Variants in TMEM117 observed in about 807,000 individuals in gnomAD.
TMEM117 encodes the protein transmembrane protein 117.
In TMEM117, 27 loss-of-function variants were observed where a neutral mutation model predicts 52.4. That is an observed-to-expected ratio of 0.51 (90% CI 0.38 to 0.71). The LOEUF is 0.71. Among genes scored for constraint, TMEM117 ranks in the 30% least tolerant of loss-of-function variants. The pLI is 0.00. For missense variants in TMEM117, 556 were observed against 630.5 expected, an observed-to-expected ratio of 0.88 and a Z score of 1.26; for synonymous variants, 215 against 206.3, an observed-to-expected ratio of 1.04 and a Z score of -0.36.
At chr12:44,182,055 G>A (rs1430920441) in intron 4 of TMEM117, among the ~76,000 whole-genome samples, 1 of 152,022 alleles carries the variant, frequency 6.6e-6, no homozygotes, top group Non-Finnish European at 1.5e-5. Flanking sequence ...AGTTCTCCTT[G>A]AAGAGGTCCT....
At chr12:44,330,395 T>G (rs368651045) in intron 6 of TMEM117, among the ~76,000 whole-genome samples, 49 of 152,142 alleles carry the variant, frequency 3.2e-4, no homozygotes, top group Middle Eastern at 3.4e-3. Context: ...GTGAACTACA[T>G]GTGTAATGGT....
intron 6 of TMEM117, among the ~76,000 whole-genome samples, chr12:44,351,912 G>A (rs2138781342): frequency 6.6e-6 from 1 of 151,876 alleles, no homozygotes; most frequent in South Asian, 2.1e-4. Context: ...ACACAGCATT[G>A]GCATTAGTAG....
At chr12:43,833,425 A>G (rs1056561459), upstream of TMEM117, among the ~76,000 whole-genome samples, 5 of 152,164 alleles carry the variant, frequency 3.3e-5, no homozygotes, top group African/African-American at 1.2e-4. Flanking sequence ...CTCTTTCTCA[A>G]TGAAAAGGAA....
chr12:44,377,190 T>C (rs1163821482), intron 7 of TMEM117, among the ~76,000 whole-genome samples: 2 of 152,214 alleles, frequency 1.3e-5, no homozygotes, highest in Non-Finnish European at 2.9e-5. Flanking sequence ...AAATCTTTGC[T>C]GTGGAGAGTC....
At chr12:44,056,868 C>T (rs1476484794) in intron 3 of TMEM117, among the ~76,000 whole-genome samples, 2 of 152,136 alleles carry the variant, frequency 1.3e-5, no homozygotes, top group Non-Finnish European at 2.9e-5. Context: ...CCCAGTTTTA[C>T]AGATGAAGAA....
intron 5 of TMEM117, among the ~76,000 whole-genome samples, chr12:44,235,237 A>G (rs1232912101): frequency 2.0e-5 from 3 of 151,696 alleles, no homozygotes; most frequent in African/African-American, 4.8e-5. Flanking sequence ...TGATATTAAT[A>G]TAGAAACACC....
chr12:44,377,739 C>G (rs1273137676), intron 7 of TMEM117, among the ~76,000 whole-genome samples: 1 of 152,184 alleles, frequency 6.6e-6, no homozygotes, highest in Non-Finnish European at 1.5e-5. Context: ...ATAATAAAAT[C>G]TGCTGAAGAA....
chr12:44,133,206 A>G (rs1364181992), intron 3 of TMEM117, among the ~76,000 whole-genome samples: 3 of 152,144 alleles, frequency 2.0e-5, no homozygotes, highest in African/African-American at 7.2e-5. Context: ...CACAGACATG[A>G]GTACCTTGGT....
chr12:44,114,248 A>G (rs567324121), intron 3 of TMEM117, among the ~76,000 whole-genome samples: 10 of 152,316 alleles, frequency 6.6e-5, no homozygotes, highest in East Asian at 1.9e-4. Context: ...CCAAATTTAA[A>G]TAAGTTTAAA....
At chr12:44,081,217 G>A (rs1947476893) in intron 3 of TMEM117, among the ~76,000 whole-genome samples, 2 of 152,054 alleles carry the variant, frequency 1.3e-5, no homozygotes, top group Non-Finnish European at 2.9e-5. Flanking sequence ...ATCCATTTTA[G>A]CCACTTTTTC....
intron 3 of TMEM117, chr12:44,010,171 G>T: frequency 1.9e-6 from 1 of 516,976 alleles, no homozygotes; most frequent in South Asian, 1.4e-5. Context: ...TTAACCCTGT[G>T]TGTGACACTG....
At position 44,240,997 on chromosome 12, in the gene TMEM117, T is replaced by G. The variant is rs77954855; in HGVS notation, c.608+29610T>G. ...ATTGGATTAGAGTCTTCCCTTGTTATCCGTGTGAATTGGTTTCAGAGCCCT... is the reference window on the plus strand; with the variant it reads ...ATTGGATTAGAGTCTTCCCTTGTTAGCCGTGTGAATTGGTTTCAGAGCCCT... On this transcript the variant is annotated intron_variant, in intron 5 of 7. Coordinates refer to ENST00000266534, the MANE Select transcript of TMEM117 (RefSeq NM_032256.3). Among the ~76,000 whole-genome samples the G allele has an allele frequency of 2.3e-3, 352 of 152,100 alleles. 12 individuals are homozygous for G. The East Asian group carries it at 0.035, about 15-fold the overall frequency.
At chr12:44,023,721 A>G in intron 3 of TMEM117, among the ~76,000 whole-genome samples, 1 of 146,096 alleles carries the variant, frequency 6.8e-6, no homozygotes, top group East Asian at 2.1e-4. Context: ...GATTCTGGAT[A>G]TTAGCCCTTT....
At chr12:44,392,084 G>A (rs1208540268), downstream of TMEM117, among the ~76,000 whole-genome samples, 6 of 152,150 alleles carry the variant, frequency 3.9e-5, no homozygotes, top group Non-Finnish European at 8.8e-5. Flanking sequence ...TGTAATTAGT[G>A]AGTATAAATA....
chr12:44,096,113 AT>A (rs1286210992), intron 3 of TMEM117, among the ~76,000 whole-genome samples: 2 of 152,208 alleles, frequency 1.3e-5, no homozygotes, highest in African/African-American at 2.4e-5. Flanking sequence ...CCCATTCACA[AT>A]TGCTTCAAAG....
rs145633159 is a variant in TMEM117 at position 44,144,321 on chromosome 12, T to C, written c.510+697T>C. 3.4e-3 allele frequency among the ~76,000 whole-genome samples: 524 copies of C among 152,308 alleles called. 10 individuals are homozygous for C. The highest frequency in any genetic ancestry group is 0.031 in the Admixed American group (469 of 15,294). On this transcript the variant is annotated intron_variant, in intron 4 of 7. Transcript: ENST00000266534. ...TAGAAGGCTCTGGGTTCTATAAATT[T>C]ATGAGAGACTCACAAAATGCAAAGA... is the stretch of plus-strand genomic sequence containing the variant.
At chr12:44,380,277 T>C (rs925908433) in intron 7 of TMEM117, among the ~76,000 whole-genome samples, 3 of 152,100 alleles carry the variant, frequency 2.0e-5, no homozygotes, top group African/African-American at 7.2e-5. Flanking sequence ...GAGGAGACTA[T>C]GATTGGGGAA....
At chr12:44,090,612 T>A (rs1291116139) in intron 3 of TMEM117, among the ~76,000 whole-genome samples, 3 of 151,562 alleles carry the variant, frequency 2.0e-5, no homozygotes, top group Non-Finnish European at 4.4e-5. Context: ...AATTTTTGTA[T>A]TTTTAGTAGA....
At chr12:43,868,349 T>C (rs1447135268) in intron 2 of TMEM117, among the ~76,000 whole-genome samples, 2 of 152,040 alleles carry the variant, frequency 1.3e-5, no homozygotes, top group African/African-American at 2.4e-5. Flanking sequence ...GAGACCAGCC[T>C]GGGCAACGTG....
Sources: allele counts gnomAD v4.1 joint callset (sites outside exome capture counted in the v4.1 genomes callset), GRCh38; gene constraint gnomAD v4.1.1; transcripts MANE v1.5; gene names NCBI Gene and HGNC (gene_info 2026-07-23, HGNC 2026-07-21).